Variants in MCHR2 observed in about 807,000 individuals in gnomAD.
MCHR2 encodes the protein melanin concentrating hormone receptor 2.
Under a neutral mutation model 24.8 loss-of-function variants are expected in MCHR2, and 15 were observed. The observed-to-expected ratio is 0.60, with a 90% CI of 0.40 to 0.93. MCHR2 has a LOEUF of 0.93. Ranked by LOEUF, MCHR2 falls within the 40% of genes least tolerant of loss-of-function variation. The pLI, the probability that MCHR2 is intolerant of heterozygous loss-of-function variation, is 0.00. For missense variants in MCHR2, 386 were observed against 408.7 expected (o/e 0.94, Z 0.48); for synonymous variants, 151 against 147.6 (o/e 1.02, Z -0.17).
At chr6:99,982,073 A>T (rs543289794) in intron 1 of MCHR2, among the ~76,000 whole-genome samples, 1 of 151,194 alleles carries the variant, frequency 6.6e-6, no homozygotes, top group African/African-American at 2.4e-5. Context: ...ATCTCCCTAA[A>T]CCCCCCGCTC....
intron 5 of MCHR2, among the ~76,000 whole-genome samples, chr6:99,931,934 C>T (rs1013265117): frequency 6.6e-6 from 1 of 152,210 alleles, no homozygotes; most frequent in Non-Finnish European, 1.5e-5. Flanking sequence ...CTGCGTCGCT[C>T]ACGCTGGGAG....
At chr6:99,975,287 C>T (rs944828495) in intron 1 of MCHR2, among the ~76,000 whole-genome samples, 4 of 152,328 alleles carry the variant, frequency 2.6e-5, no homozygotes, top group South Asian at 4.1e-4. Flanking sequence ...GTGCCCTTCC[C>T]CCAGTCTCGC....
intron 5 of MCHR2, among the ~76,000 whole-genome samples, chr6:99,927,220 G>A (rs1315340905): frequency 6.6e-6 from 1 of 152,176 alleles, no homozygotes; most frequent in Non-Finnish European, 1.5e-5. Flanking sequence ...CCAGTACCAT[G>A]CTGTTTTGGT....
In MCHR2 at chr6:99,920,542, G is replaced by T. The variant is rs1359506833; in HGVS notation, c.*398C>A. 5.4e-6 allele frequency: 1 copy of T among 183,962 alleles called. No homozygotes were observed. The highest frequency in any genetic ancestry group is 2.3e-5 in the African/African-American group (1 of 42,606). The allele number at this position is 183,962 out of a possible 1,614,324, so 11.4% of individuals were successfully genotyped here. On this transcript the variant is annotated 3_prime_UTR_variant, in exon 6 of 6. Transcript: ENST00000281806. ...GCCAAATTTTAGACTTCACTCTAAG[G>T]TGATACCCTCCTAGGAACCTTGAGG...
chr6:99,954,173 G>A (rs192059507), intron 2 of MCHR2, among the ~76,000 whole-genome samples: 22 of 152,132 alleles, frequency 1.4e-4, no homozygotes, highest in African/African-American at 4.8e-4. Flanking sequence ...CCTTGGATTC[G>A]GAATAAATCT....
At chr6:99,986,815 A>G (rs114857950) in intron 1 of MCHR2, among the ~76,000 whole-genome samples, 2,483 of 151,020 alleles carry the variant, frequency 0.016, 28 homozygotes, top group Middle Eastern at 0.035. Context: ...ATATACATGG[A>G]CCCTTAAGTA....
intron 2 of MCHR2, among the ~76,000 whole-genome samples, chr6:99,951,783 A>T (rs1195441965): frequency 6.6e-6 from 1 of 152,134 alleles, no homozygotes; most frequent in Non-Finnish European, 1.5e-5. Context: ...AACGTTTTCC[A>T]TCCCTGTCAG....
intron 4 of MCHR2, among the ~76,000 whole-genome samples, chr6:99,940,872 G>A (rs184256265): frequency 6.6e-6 from 1 of 152,154 alleles, no homozygotes; most frequent in East Asian, 1.9e-4. Context: ...GCCTGGCTAG[G>A]GGTTTGTCCA....
intron 5 of MCHR2, among the ~76,000 whole-genome samples, chr6:99,924,258 C>T (rs1342425100): frequency 1.3e-5 from 2 of 151,980 alleles, no homozygotes; most frequent in Non-Finnish European, 2.9e-5. Flanking sequence ...GTAAGGTCTA[C>T]ATTTCCATTT....
At chr6:99,938,190 A>G (rs1195569943) in intron 4 of MCHR2, among the ~76,000 whole-genome samples, 2 of 151,634 alleles carry the variant, frequency 1.3e-5, no homozygotes, top group South Asian at 2.1e-4. Flanking sequence ...TTTAGTCTCA[A>G]TTTTATTTAT....
At chr6:99,961,702 G>T (rs1474767851) in intron 1 of MCHR2, among the ~76,000 whole-genome samples, 1 of 152,084 alleles carries the variant, frequency 6.6e-6, no homozygotes, top group Non-Finnish European at 1.5e-5. Context: ...ACCAGGGCCT[G>T]TTGCGGGATG....
intron 1 of MCHR2, among the ~76,000 whole-genome samples, chr6:99,988,452 G>C (rs781373658): frequency 6.6e-6 from 1 of 152,172 alleles, no homozygotes. Flanking sequence ...TTTCCCAGCA[G>C]CCTCTTTTGC....
chr6:99,959,928 A>T (rs10872535), intron 1 of MCHR2, among the ~76,000 whole-genome samples: 54,329 of 151,456 alleles, frequency 0.36, 9,863 homozygotes, highest in Admixed American at 0.43. Context: ...ATCTCAGAAA[A>T]AGAAGAGAAA....
chr6:99,964,590 C>T (rs1256572367), intron 1 of MCHR2, among the ~76,000 whole-genome samples: 1 of 151,958 alleles, frequency 6.6e-6, no homozygotes, highest in African/African-American at 2.4e-5. Context: ...TCATGAGACT[C>T]ACTCAGTGTC....
intron 1 of MCHR2, among the ~76,000 whole-genome samples, chr6:99,963,627 C>A (rs1314783428): frequency 6.6e-6 from 1 of 151,970 alleles, no homozygotes; most frequent in African/African-American, 2.4e-5. Flanking sequence ...GTTCATTTAT[C>A]AATTTGTTTG....
intron 2 of MCHR2, among the ~76,000 whole-genome samples, chr6:99,954,329 A>T (rs913602524): frequency 1.3e-5 from 2 of 152,148 alleles, no homozygotes; most frequent in East Asian, 3.9e-4. Flanking sequence ...TGTTGCAGTT[A>T]TGTGTTAATA....
In MCHR2 at chr6:99,923,110, TTTG is replaced by T. The variant is rs1366847537; in HGVS notation, c.708-1858_708-1856del. Reference sequence around the variant, plus strand: ...TTTCATTATAGAGATCTTTCACTTCTTTGTTAAGTTTTTAGGTATTTAATTTTA... The same window carrying T: ...TTTCATTATAGAGATCTTTCACTTCTTTAAGTTTTTAGGTATTTAATTTTA... On this transcript the variant is annotated intron_variant, in intron 5 of 5. Transcript: ENST00000281806. 4.6e-5 allele frequency among the ~76,000 whole-genome samples: 7 copies of T among 152,272 alleles called. No homozygotes were observed. The East Asian group carries it at 1.4e-3, about 29-fold the overall frequency.
chr6:99,966,899 A>G (rs1284055972), intron 1 of MCHR2, among the ~76,000 whole-genome samples: 3 of 152,138 alleles, frequency 2.0e-5, no homozygotes, highest in Non-Finnish European at 2.9e-5. Flanking sequence ...ATGAAAGCCA[A>G]TGCTAAATAA....
intron 1 of MCHR2, among the ~76,000 whole-genome samples, chr6:99,982,473 A>AG (rs59878824): frequency 1.4e-4 from 20 of 143,436 alleles, no homozygotes; most frequent in African/African-American, 3.1e-4. Context: ...TACAGAAAAA[A>AG]AAAAAAAAAA....
Sources: allele counts gnomAD v4.1 joint callset (sites outside exome capture counted in the v4.1 genomes callset), GRCh38; gene constraint gnomAD v4.1.1; transcripts MANE v1.5; gene names NCBI Gene and HGNC (gene_info 2026-07-23, HGNC 2026-07-21).